FOXP2: variants seen among roughly 807,000 people sequenced by gnomAD.
FOXP2 encodes the protein forkhead box P2.
Under a neutral mutation model 115.8 loss-of-function variants are expected in FOXP2, and 12 were observed. That is an observed-to-expected ratio of 0.10 (90% CI 0.07 to 0.17). The LOEUF is 0.17. Ranked by LOEUF, FOXP2 falls within the 10% of genes least tolerant of loss-of-function variation. FOXP2 has a pLI of 1.00. For missense variants in FOXP2, 629 were observed against 843.5 expected (o/e 0.75, Z 3.15); for synonymous variants, 328 against 297.7 (o/e 1.10, Z -1.05).
At chr7:114,141,275 C>T (rs556123387) in intron 1 of FOXP2, among the ~76,000 whole-genome samples, 1 of 152,114 alleles carries the variant, frequency 6.6e-6, no homozygotes, top group Non-Finnish European at 1.5e-5. Flanking sequence ...AGAAGCATTT[C>T]CCCCAATATC....
At chr7:114,538,750 T>C (rs1202395175) in intron 3 of FOXP2, among the ~76,000 whole-genome samples, 1 of 151,844 alleles carries the variant, frequency 6.6e-6, no homozygotes, top group Non-Finnish European at 1.5e-5. Context: ...GGATTGGGTA[T>C]ATCTTGTTGG....
At chr7:114,389,264 A>C (rs1792529179) in intron 2 of FOXP2, among the ~76,000 whole-genome samples, 1 of 152,224 alleles carries the variant, frequency 6.6e-6, no homozygotes, top group Non-Finnish European at 1.5e-5. Context: ...CACATTGTGC[A>C]GTTTTCTAAT....
At chr7:114,500,433 A>G (rs1226752551) in intron 2 of FOXP2, among the ~76,000 whole-genome samples, 1 of 151,800 alleles carries the variant, frequency 6.6e-6, no homozygotes, top group Non-Finnish European at 1.5e-5. Context: ...AAAATTGTAT[A>G]TTTACTTTTA....
chr7:114,297,398 GC>G, intron 2 of FOXP2: 3 of 703,670 alleles, frequency 4.3e-6, no homozygotes, highest in Non-Finnish European at 7.2e-6. Context: ...CCTTGTTGAG[GC>G]CCACTGTCAT....
intron 1 of FOXP2, among the ~76,000 whole-genome samples, chr7:114,098,633 T>C (rs534752215): frequency 6.6e-6 from 1 of 152,194 alleles, no homozygotes; most frequent in South Asian, 2.1e-4. Flanking sequence ...GAAGAGAACA[T>C]AGGAGAAAGA....
At chr7:114,477,186 C>T (rs1363977975) in intron 2 of FOXP2, among the ~76,000 whole-genome samples, 1 of 151,834 alleles carries the variant, frequency 6.6e-6, no homozygotes, top group Non-Finnish European at 1.5e-5. Flanking sequence ...AAATCACTCA[C>T]TAAAGAAAAA....
At chr7:114,163,493 G>A (rs771010684) in intron 1 of FOXP2, among the ~76,000 whole-genome samples, 8 of 151,356 alleles carry the variant, frequency 5.3e-5, no homozygotes, top group Non-Finnish European at 1.0e-4. Context: ...ATGTCTGCTT[G>A]AATCTACCAC....
intron 2 of FOXP2, among the ~76,000 whole-genome samples, chr7:114,321,490 G>A (rs1489595179): frequency 1.3e-5 from 2 of 151,994 alleles, no homozygotes; most frequent in African/African-American, 4.8e-5. Context: ...GAGCCACCTG[G>A]CCTGGCCTCT....
At chr7:114,445,720 A>ATT (rs1420504768) in intron 2 of FOXP2, among the ~76,000 whole-genome samples, 1 of 152,118 alleles carries the variant, frequency 6.6e-6, no homozygotes, top group Non-Finnish European at 1.5e-5. Flanking sequence ...TTTAAGCTTT[A>ATT]TTTTATACAA....
chr7:114,105,987 C>G (rs1791101783), intron 1 of FOXP2, among the ~76,000 whole-genome samples: 1 of 151,962 alleles, frequency 6.6e-6, no homozygotes, highest in African/African-American at 2.4e-5. Context: ...AAAGCAGAAA[C>G]GATGTCTTCT....
At chr7:114,111,637 T>G (rs1174612061) in intron 1 of FOXP2, among the ~76,000 whole-genome samples, 1 of 152,156 alleles carries the variant, frequency 6.6e-6, no homozygotes, top group Non-Finnish European at 1.5e-5. Context: ...CTACTATCTA[T>G]GAAACACTGT....
At chr7:114,262,400 GGTGACAGTACTAAATAAAAGGTAC>G in intron 1 of FOXP2, among the ~76,000 whole-genome samples, 1 of 152,110 alleles carries the variant, frequency 6.6e-6, no homozygotes, top group Non-Finnish European at 1.5e-5. Flanking sequence ...CTCCAGCCTA[GGTGACAGTACTAAATAAAAGGTAC>G]TATGCTTAGT....
At chr7:114,457,502 G>GA (rs891430126) in intron 2 of FOXP2, among the ~76,000 whole-genome samples, 1 of 152,034 alleles carries the variant, frequency 6.6e-6, no homozygotes, top group African/African-American at 2.4e-5. Context: ...GTCATATTGT[G>GA]AAAAAAATTG....
chr7:114,102,729 CA>C (rs1306857754), intron 1 of FOXP2, among the ~76,000 whole-genome samples: 29 of 151,064 alleles, frequency 1.9e-4, no homozygotes, highest in Admixed American at 1.3e-4. Context: ...CACACACACA[CA>C]CACCCCAATG....
chr7:114,655,006 T>C (rs114868944), intron 10 of FOXP2, among the ~76,000 whole-genome samples: 4 of 152,152 alleles, frequency 2.6e-5, no homozygotes, highest in Non-Finnish European at 5.9e-5. Context: ...GCTTTTCCTT[T>C]GTACTGTATT....
chr7:114,312,720 C>A (rs918271813), intron 2 of FOXP2, among the ~76,000 whole-genome samples: 4 of 152,188 alleles, frequency 2.6e-5, no homozygotes, highest in Non-Finnish European at 5.9e-5. Context: ...AGTCTTACAG[C>A]AATGTCTACA....
At chr7:114,281,095 A>ATTTTT (rs71157578) in intron 1 of FOXP2, among the ~76,000 whole-genome samples, 19 of 92,876 alleles carry the variant, frequency 2.0e-4, no homozygotes, top group South Asian at 4.0e-4. Flanking sequence ...TGCAATTTGA[A>ATTTTT]TTTTTTTTTT....
At chr7:114,613,230 A>G (rs1409506448) in intron 3 of FOXP2, among the ~76,000 whole-genome samples, 3 of 152,184 alleles carry the variant, frequency 2.0e-5, no homozygotes, top group African/African-American at 7.2e-5. Flanking sequence ...AAAAGCAGAA[A>G]GTGTTTTTAT....
intron 1 of FOXP2, among the ~76,000 whole-genome samples, chr7:114,264,471 G>A (rs1584590758): frequency 6.6e-6 from 1 of 152,278 alleles, no homozygotes; most frequent in African/African-American, 2.4e-5. Flanking sequence ...AACAACGTCT[G>A]CACTTTAATG....
Sources: gnomAD v4.1 joint callset for allele counts (sites outside exome capture counted in the v4.1 genomes callset) on GRCh38, gnomAD v4.1.1 for gene constraint, MANE v1.5 for transcripts, NCBI Gene and HGNC (gene_info 2026-07-23, HGNC 2026-07-21) for gene names.